The following ASIC2 variants were observed in gnomAD, a reference collection of about 807,000 sequenced individuals.
The protein encoded by ASIC2 is acid sensing ion channel subunit 2, also known as acid-sensing ion channel 2.
Under a neutral mutation model 57.3 loss-of-function variants are expected in ASIC2, and 25 were observed. The ratio of observed to expected loss-of-function variants is 0.44; its 90% CI spans 0.32 to 0.61. ASIC2 has a LOEUF of 0.61. Among genes scored for constraint, ASIC2 ranks in the 20% least tolerant of loss-of-function variants. The pLI, the probability that ASIC2 is intolerant of heterozygous loss-of-function variation, is 0.06. For synonymous variants in ASIC2, 319 were observed against 307.5 expected (o/e 1.04, Z -0.39); for missense variants, 641 against 738.1 (o/e 0.87, Z 1.52).
At chr17:33,425,922 A>G (rs1194209602) in intron 1 of ASIC2, among the ~76,000 whole-genome samples, 1 of 152,138 alleles carries the variant, frequency 6.6e-6, no homozygotes, top group African/African-American at 2.4e-5. Flanking sequence ...GGTCAGGCGC[A>G]GCGCCAACAA....
chr17:33,806,111 A>G (rs866419258), intron 1 of ASIC2, among the ~76,000 whole-genome samples: 2 of 152,152 alleles, frequency 1.3e-5, no homozygotes, highest in Non-Finnish European at 2.9e-5. Flanking sequence ...AAGCACCCAC[A>G]TTCATACTCA....
chr17:33,062,002 G>A (rs1390506283), intron 3 of ASIC2, among the ~76,000 whole-genome samples: 2 of 152,154 alleles, frequency 1.3e-5, no homozygotes, highest in South Asian at 2.1e-4. Flanking sequence ...GGGATCGGTG[G>A]TGATATCCCC....
intron 1 of ASIC2, among the ~76,000 whole-genome samples, chr17:33,671,786 C>T (rs986421721): frequency 6.6e-6 from 1 of 152,100 alleles, no homozygotes; most frequent in Non-Finnish European, 1.5e-5. Context: ...CGAGATGCAC[C>T]GCTTCATGCT....
In ASIC2 at chr17:33,860,249, A is replaced by C. The variant is rs574640885; in HGVS notation, c.555+295729T>G. 3.1e-4 allele frequency among the ~76,000 whole-genome samples: 47 copies of C among 152,314 alleles called. No individual in the cohort carries two copies. In the East Asian group the frequency reaches 3.7e-3, roughly 12 times the overall value. On this transcript the variant is annotated intron_variant, in intron 1 of 9. Transcript: ENST00000359872. ...GGGAGGCCTTCACCTTCTTCCCTCC[A>C]GGTAGAAAGGAAGGGGAAGAGAAGG...
intron 1 of ASIC2, among the ~76,000 whole-genome samples, chr17:34,016,423 C>CAAAAAAAAAAAAAAAAAA (rs398041640): frequency 2.4e-5 from 1 of 41,450 alleles, no homozygotes; most frequent in African/African-American, 8.3e-5. Flanking sequence ...GACTCCGTCT[C>CAAAAAAAAAAAAAAAAAA]AAAAAAAAAA....
intron 1 of ASIC2, among the ~76,000 whole-genome samples, chr17:33,510,687 A>T (rs1914404532): frequency 6.6e-6 from 1 of 152,172 alleles, no homozygotes; most frequent in East Asian, 1.9e-4. Context: ...GCTTAGTCAC[A>T]CCGAGCCCCC....
intron 1 of ASIC2, among the ~76,000 whole-genome samples, chr17:33,634,047 G>C (rs930433783): frequency 6.6e-6 from 1 of 152,166 alleles, no homozygotes; most frequent in Non-Finnish European, 1.5e-5. Context: ...GGTGCTGCTA[G>C]ACCACAGCTT....
intron 1 of ASIC2, among the ~76,000 whole-genome samples, chr17:33,714,703 G>C (rs993114046): frequency 6.6e-6 from 1 of 151,876 alleles, no homozygotes. Flanking sequence ...GGAGGATTTC[G>C]ACTTTGCCTG....
chr17:33,487,672 C>A (rs115063281), intron 1 of ASIC2, among the ~76,000 whole-genome samples: 2 of 152,288 alleles, frequency 1.3e-5, no homozygotes, highest in East Asian at 1.9e-4. Context: ...CTGGGAGAGG[C>A]AGACCAACCC....
intron 1 of ASIC2, among the ~76,000 whole-genome samples, chr17:34,034,275 A>C (rs548147452): frequency 1.5e-3 from 228 of 152,318 alleles, no homozygotes; most frequent in African/African-American, 5.1e-3. Context: ...TGATTATCTC[A>C]ATAGATGCAG....
In ASIC2 at chr17:34,117,702, T is replaced by C. The variant is rs977641612; in HGVS notation, c.555+38276A>G. On this transcript the variant is annotated intron_variant, in intron 1 of 9. Coordinates refer to the ASIC2 transcript ENST00000359872. ...CTGGATTCAAGATATGTTTCTTAGA[T>C]ACAATTGGCAGGACTGGTGATGGAT... Among the ~76,000 whole-genome samples, 3 of 152,186 alleles carry C rather than the reference T, an allele frequency of 2.0e-5. No individual in the cohort carries two copies. The East Asian group carries it at 5.8e-4, about 29-fold the overall frequency.
intron 1 of ASIC2, among the ~76,000 whole-genome samples, chr17:33,608,361 C>T (rs1905280241): frequency 3.3e-5 from 5 of 152,092 alleles, no homozygotes; most frequent in Admixed American, 3.3e-4. Flanking sequence ...CCAGTAGGCC[C>T]TAAGGCCTAG....
At chr17:33,569,698 T>C (rs1233468584) in intron 1 of ASIC2, among the ~76,000 whole-genome samples, 1 of 152,100 alleles carries the variant, frequency 6.6e-6, no homozygotes, top group Non-Finnish European at 1.5e-5. Flanking sequence ...CAGGTCTGCC[T>C]CTTCTTTTTG....
chr17:33,413,638 T>C (rs1243050389), intron 1 of ASIC2, among the ~76,000 whole-genome samples: 1 of 152,228 alleles, frequency 6.6e-6, no homozygotes, highest in African/African-American at 2.4e-5. Context: ...GCCTTTTGCA[T>C]CTTCATACTG....
chr17:33,463,206 C>A (rs1203894098), intron 1 of ASIC2, among the ~76,000 whole-genome samples: 1 of 152,178 alleles, frequency 6.6e-6, no homozygotes, highest in Admixed American at 6.5e-5. Flanking sequence ...TACCCTCAGT[C>A]CTCCTGTTCA....
chr17:33,798,876 G>A (rs745932284), intron 1 of ASIC2, among the ~76,000 whole-genome samples: 5 of 152,156 alleles, frequency 3.3e-5, no homozygotes, highest in Non-Finnish European at 7.4e-5. Context: ...TGGGGAGATT[G>A]AGCCTGGCAC....
rs17783400 is a variant in ASIC2, at chr17:33,796,697, T to C, written c.555+359281A>G. Reference sequence around the variant, plus strand: ...CAGAAACGCTCTTTCCCTTTAGTCATTGGCCTTCACTCATAGCCTGGCCTA... The same window carrying C: ...CAGAAACGCTCTTTCCCTTTAGTCACTGGCCTTCACTCATAGCCTGGCCTA... On this transcript the variant is annotated intron_variant, in intron 1 of 9. Coordinates refer to the ASIC2 transcript ENST00000359872. 9.1e-3 allele frequency among the ~76,000 whole-genome samples: 1,391 copies of C among 152,294 alleles called. 8 individuals carry two copies. Among genetic ancestry groups the C allele is most frequent in the Non-Finnish European group, 0.014 (920 of 68,028 alleles).
chr17:33,731,146 T>G (rs1283009186), intron 1 of ASIC2, among the ~76,000 whole-genome samples: 1 of 152,232 alleles, frequency 6.6e-6, no homozygotes, highest in Non-Finnish European at 1.5e-5. Flanking sequence ...GTTTATATTC[T>G]CACACCTCAA....
chr17:33,444,278 C>T (rs1911933266), intron 1 of ASIC2, among the ~76,000 whole-genome samples: 1 of 152,198 alleles, frequency 6.6e-6, no homozygotes, highest in South Asian at 2.1e-4. Context: ...CTAAGCTTCT[C>T]CTTGTTTTCA....
Sources: gnomAD v4.1 joint callset for allele counts (sites outside exome capture counted in the v4.1 genomes callset) on GRCh38, gnomAD v4.1.1 for gene constraint, MANE v1.5 for transcripts, NCBI Gene and HGNC (gene_info 2026-07-23, HGNC 2026-07-21) for gene names.